GOLM2: variants seen among roughly 807,000 people sequenced by gnomAD.
GOLM2 encodes protein GOLM2.
Under a neutral mutation model 55.9 loss-of-function variants are expected in GOLM2, and 26 were observed. That is an observed-to-expected ratio of 0.47 (90% CI 0.34 to 0.65). GOLM2 has a LOEUF of 0.65. Ranked by LOEUF, GOLM2 falls within the 30% of genes least tolerant of loss-of-function variation. The probability of loss-of-function intolerance (pLI) is 0.01; values close to 1 mark genes in which losing one functional copy is unlikely to be tolerated. For synonymous variants in GOLM2, 165 were observed against 194.6 expected (o/e 0.85, Z 1.27); for missense variants, 486 against 531.8 (o/e 0.91, Z 0.85).
chr15:44,290,426 T>A (rs539289363), intron 1 of GOLM2, among the ~76,000 whole-genome samples: 2 of 152,208 alleles, frequency 1.3e-5, no homozygotes, highest in African/African-American at 2.4e-5. Flanking sequence ...AATTAAACTG[T>A]CTGTGAGCTT....
Position 44,372,185 on chromosome 15 carries a change from T to C in GOLM2, c.803-7505T>C, listed in dbSNP as rs571241617. Among the ~76,000 whole-genome samples the C allele has an allele frequency of 2.3e-4, 35 of 152,330 alleles. No individual in the cohort carries two copies. In the South Asian group the frequency reaches 7.1e-3, roughly 31 times the overall value. ...TCTTGGCTGTGCAGTAGAACCACCTTTGGAGCTTTCAGTAAATATAGAAAC... is the reference window on the plus strand; with the variant it reads ...TCTTGGCTGTGCAGTAGAACCACCTCTGGAGCTTTCAGTAAATATAGAAAC... On this transcript the variant is annotated intron_variant, in intron 6 of 9. Coordinates refer to ENST00000299957, the MANE Select transcript of GOLM2 (RefSeq NM_138423.4).
intron 6 of GOLM2, among the ~76,000 whole-genome samples, chr15:44,351,576 CA>C (rs1175016633): frequency 0.061 from 2,780 of 45,920 alleles, 58 homozygotes; most frequent in African/African-American, 0.21. Flanking sequence ...GACTCTGTCT[CA>C]AAAAAAAAAA....
chr15:44,358,646 A>G (rs2141168461), intron 6 of GOLM2, among the ~76,000 whole-genome samples: 1 of 152,330 alleles, frequency 6.6e-6, no homozygotes, highest in African/African-American at 2.4e-5. Flanking sequence ...GCTGACAACT[A>G]GATTTTTAAA....
Position 44,289,090 on chromosome 15 carries a change from C to A in GOLM2, c.61C>A (p.Leu21Met). 6.2e-7 allele frequency: 1 copy of A among 1,614,132 alleles called. No individual in the cohort carries two copies. Among genetic ancestry groups the A allele is most frequent in the Non-Finnish European group, 8.5e-7 (1 of 1,180,004 alleles). Residue 21 changes from leucine to methionine, a missense_variant, in exon 1 of 10, where the codon CTG becomes ATG. Transcript: ENST00000299957. This position sits in a 1 kb window ranked among gnomAD's most constrained non-coding sequence, Gnocchi z 4.8. ...GRLPSLVLVV[L>M]LVVIVVLAFN... ...CCTGCCCTCTCTCGTGCTGGTGGTG[C>A]TGCTGGTGGTGATCGTCGTCCTCGC... is the stretch of plus-strand genomic sequence containing the variant.
chr15:44,330,198 C>T lies in GOLM2; in HGVS notation c.485+1411C>T, dbSNP rs190346578. 7.0e-3 allele frequency among the ~76,000 whole-genome samples: 807 copies of T among 115,590 alleles called. 7 individuals carry two copies. The highest frequency in any genetic ancestry group is 9.6e-3 in the Non-Finnish European group (568 of 58,966). 75.8% of individuals were successfully genotyped at this position (115,590 alleles called of 152,430 possible). A position where few individuals can be genotyped will look rare whatever the true frequency, so the allele number is the denominator to read the frequency against. On this transcript the variant is annotated intron_variant, in intron 3 of 9. Transcript: ENST00000299957. ...GTGCTGGGATTACAGGTGTGAAGAA[C>T]TTGTCTCTTTAAAAAAAAAAAAAAA... is the stretch of plus-strand genomic sequence containing the variant.
At chr15:44,404,745 C>T (rs1385980302) in intron 9 of GOLM2, among the ~76,000 whole-genome samples, 2 of 151,462 alleles carry the variant, frequency 1.3e-5, no homozygotes, top group Non-Finnish European at 2.9e-5. Flanking sequence ...ACCTTTATAC[C>T]CACCCCCCAC....
chr15:44,362,729 C>T (rs1287645326), intron 6 of GOLM2, among the ~76,000 whole-genome samples: 6 of 152,126 alleles, frequency 3.9e-5, no homozygotes, highest in East Asian at 3.8e-4. Context: ...GAGCCCGCAT[C>T]GCCAAGTCAA....
At chr15:44,368,561 C>T (rs1318834309) in intron 6 of GOLM2, among the ~76,000 whole-genome samples, 1 of 151,730 alleles carries the variant, frequency 6.6e-6, no homozygotes, top group Non-Finnish European at 1.5e-5. Flanking sequence ...GTTTAGTCTG[C>T]TGTTAAGCCC....
At chr15:44,403,154 T>C in intron 9 of GOLM2, 100 bp downstream of exon 9, 1 of 1,370,776 alleles carries the variant, frequency 7.3e-7, no homozygotes, top group South Asian at 1.2e-5. Flanking sequence ...AGTGGCAGTG[T>C]AACCTAAATT....
intron 1 of GOLM2, among the ~76,000 whole-genome samples, chr15:44,321,004 T>C (rs1595624577): frequency 6.6e-6 from 1 of 152,222 alleles, no homozygotes; most frequent in East Asian, 1.9e-4. Context: ...ACAGATATAA[T>C]CAATTCCATG....
At chr15:44,385,268 A>G (rs1213031440) in intron 8 of GOLM2, among the ~76,000 whole-genome samples, 1 of 152,034 alleles carries the variant, frequency 6.6e-6, no homozygotes, top group Non-Finnish European at 1.5e-5. Flanking sequence ...TTTCCACAAT[A>G]GCTGTACCAT....
At chr15:44,302,096 C>T (rs1180158044) in intron 1 of GOLM2, among the ~76,000 whole-genome samples, 2 of 151,586 alleles carry the variant, frequency 1.3e-5, no homozygotes, top group Admixed American at 1.3e-4. Context: ...ATTTGTGAGT[C>T]ATGTTAAGGG....
intron 9 of GOLM2, among the ~76,000 whole-genome samples, chr15:44,407,649 A>G (rs1234305132): frequency 2.0e-5 from 3 of 151,566 alleles, no homozygotes; most frequent in Admixed American, 2.0e-4. Flanking sequence ...GGGTCTTGCT[A>G]TATTGCCCAG....
Position 44,343,718 on chromosome 15 carries a change from G to A in GOLM2, c.802+5401G>A, listed in dbSNP as rs1266369010. Among the ~76,000 whole-genome samples the A allele has an allele frequency of 2.6e-5, 4 of 151,458 alleles. No individual in the cohort carries two copies. The South Asian group carries it at 8.3e-4, about 32-fold the overall frequency. On this transcript the variant is annotated intron_variant, in intron 6 of 9. Coordinates refer to ENST00000299957, the MANE Select transcript of GOLM2 (RefSeq NM_138423.4). ...CACACACCTGTAATTCCAGCTACTT[G>A]GGAGGCTGAGGCAGGAGAATCCCTT...
At chr15:44,370,157 A>C (rs1451137402) in intron 6 of GOLM2, among the ~76,000 whole-genome samples, 1 of 152,190 alleles carries the variant, frequency 6.6e-6, no homozygotes, top group Non-Finnish European at 1.5e-5. Flanking sequence ...TGCCTTCCCC[A>C]GCCCACTGAC....
At chr15:44,361,544 G>T (rs1367873507) in intron 6 of GOLM2, among the ~76,000 whole-genome samples, 3 of 152,002 alleles carry the variant, frequency 2.0e-5, no homozygotes, top group Admixed American at 6.5e-5. Context: ...TGAAATTGTG[G>T]CAATAATCAA....
In GOLM2 at chr15:44,337,805, G is replaced by T; in HGVS notation, c.619G>T (p.Asp207Tyr). 1 of 1,599,734 alleles carries T rather than the reference G, an allele frequency of 6.3e-7. No individual in the cohort carries two copies. Residue 207 changes from aspartate (D) to tyrosine (Y), a missense_variant, in exon 5 of 10, where the codon GAT becomes TAT. Asp to Tyr is a radical substitution (Grantham distance 160, BLOSUM62 -3). Coordinates refer to ENST00000299957, the MANE Select transcript of GOLM2 (RefSeq NM_138423.4). Reference sequence around the variant, plus strand: ...TCAATCAAATGATGGAAAGGAATTGGATATAAACAATCAAGTAGTACCTAA... The same window carrying T: ...TCAATCAAATGATGGAAAGGAATTGTATATAAACAATCAAGTAGTACCTAA... ...KIQSNDGKELDINNQVVPKNI... is the reference protein window; with the variant it reads ...KIQSNDGKELYINNQVVPKNI...
intron 4 of GOLM2, among the ~76,000 whole-genome samples, chr15:44,333,655 G>T (rs1171544442): frequency 6.6e-6 from 1 of 152,092 alleles, no homozygotes; most frequent in Non-Finnish European, 1.5e-5. Flanking sequence ...AGAGAGGTTT[G>T]CTGTTGCAAT....
intron 1 of GOLM2, among the ~76,000 whole-genome samples, chr15:44,321,525 A>T (rs995070383): frequency 6.6e-6 from 1 of 151,604 alleles, no homozygotes; most frequent in African/African-American, 2.4e-5. Flanking sequence ...CTTTGTGATG[A>T]TAAAAGTATT....
Sources: gnomAD v4.1 joint callset for allele counts (sites outside exome capture counted in the v4.1 genomes callset) on GRCh38, gnomAD v4.1.1 for gene constraint, Gnocchi (gnomAD v3.1) non-coding constraint, MANE v1.5 for transcripts, NCBI Gene and HGNC (gene_info 2026-07-23, HGNC 2026-07-21) for gene names.